The following ADAMTS2 variants were observed in gnomAD, a reference collection of about 807,000 sequenced individuals.
The protein encoded by ADAMTS2 is ADAM metallopeptidase with thrombospondin type 1 motif 2, also known as A disintegrin and metalloproteinase with thrombospondin motifs 2.
A neutral mutation model predicts 123.0 loss-of-function variants in ADAMTS2; 50 were observed. The observed-to-expected ratio is 0.41, with a 90% CI of 0.32 to 0.51. The LOEUF (loss-of-function observed/expected upper bound fraction) is 0.51, where lower values mean the gene tolerates loss of function less well. Ranked by LOEUF, ADAMTS2 falls within the 20% of genes least tolerant of loss-of-function variation. The pLI is 0.35. For synonymous variants in ADAMTS2, 678 were observed against 695.4 expected (o/e 0.98, Z 0.39); for missense variants, 1,494 against 1,705.2 (o/e 0.88, Z 2.18).
chr5:179,207,473 C>CCCG, intron 4 of ADAMTS2, 40 bp downstream of exon 4: 1 of 938,202 alleles, frequency 1.1e-6, no homozygotes, highest in Non-Finnish European at 1.7e-6. Context: ...CCTGGTTGAC[C>CCCG]CTCCCCGCCC....
chr5:179,249,572 C>T (rs995703548), intron 3 of ADAMTS2, among the ~76,000 whole-genome samples: 5 of 152,092 alleles, frequency 3.3e-5, no homozygotes, highest in African/African-American at 1.2e-4. Context: ...GGGGACATTA[C>T]TACCGACCTT....
chr5:179,176,101 T>C (rs1763924567), intron 5 of ADAMTS2, among the ~76,000 whole-genome samples: 1 of 152,206 alleles, frequency 6.6e-6, no homozygotes, highest in Non-Finnish European at 1.5e-5. Context: ...CATCTACTCA[T>C]ATCCTAAGAA....
At chr5:179,333,124 C>T (rs1042773997) in intron 2 of ADAMTS2, among the ~76,000 whole-genome samples, 4 of 152,232 alleles carry the variant, frequency 2.6e-5, no homozygotes, top group Non-Finnish European at 5.9e-5. Flanking sequence ...GCCGACACCG[C>T]TGTGGCAGCT....
In ADAMTS2 at chr5:179,122,763, G is replaced by A; in HGVS notation, c.2969C>T (p.Thr990Ile). Residue 990 changes from threonine to isoleucine, a missense_variant, in exon 20 of 22, where the codon ACC becomes ATC. Coordinates refer to ENST00000251582, the MANE Select transcript of ADAMTS2 (RefSeq NM_014244.5). Reference sequence around the variant, plus strand: ...CCGCTCCTGGGTGCCGTTGCCACAGGTTACTGAGCACTGCAGGGGGAGAGT... The same window carrying A: ...CCGCTCCTGGGTGCCGTTGCCACAGATTACTGAGCACTGCAGGGGGAGAGT... Reference protein sequence around the residue: ...RAGPWSQCSVTCGNGTQERPV... With the variant: ...RAGPWSQCSVICGNGTQERPV... The A allele has an allele frequency of 6.4e-7, 1 of 1,555,616 alleles. No individual in the cohort carries two copies. The highest frequency in any genetic ancestry group is 8.7e-7 in the Non-Finnish European group (1 of 1,150,068).
intron 5 of ADAMTS2, among the ~76,000 whole-genome samples, chr5:179,166,312 G>A (rs775492932): frequency 3.3e-5 from 5 of 152,162 alleles, no homozygotes; most frequent in Admixed American, 1.3e-4. Context: ...CCCCTGGCCC[G>A]GGCTGGAAAG....
intron 13 of ADAMTS2, among the ~76,000 whole-genome samples, chr5:179,133,705 TAATAA>T (rs1157225846): frequency 6.6e-6 from 1 of 152,044 alleles, no homozygotes; most frequent in African/African-American, 2.4e-5. Flanking sequence ...AAATCAACAT[TAATAA>T]AATATTTAAC....
intron 4 of ADAMTS2, among the ~76,000 whole-genome samples, chr5:179,203,315 G>A (rs868328323): frequency 1.2e-4 from 19 of 152,346 alleles, no homozygotes; most frequent in African/African-American, 4.3e-4. Context: ...CCCAGACCCC[G>A]GGCTCTGGAT....
Position 179,262,412 on chromosome 5 carries a change from G to A in ADAMTS2, c.688+10499C>T, listed in dbSNP as rs905514782. Among the ~76,000 whole-genome samples the A allele has an allele frequency of 1.3e-5, 2 of 151,566 alleles. No individual in the cohort carries two copies. The highest frequency in any genetic ancestry group is 6.6e-5 in the Admixed American group (1 of 15,232). Reference sequence around the variant, plus strand: ...CCTCCCTGCTTCCACACCGTCCACCGAAAACCCTCCAAAGGCCTCCACCGC... The same window carrying A: ...CCTCCCTGCTTCCACACCGTCCACCAAAAACCCTCCAAAGGCCTCCACCGC... On this transcript the variant is annotated intron_variant, in intron 3 of 21. Coordinates refer to ENST00000251582, the MANE Select transcript of ADAMTS2 (RefSeq NM_014244.5). This position sits in a 1 kb window ranked among gnomAD's most constrained non-coding sequence, Gnocchi z 5.9.
At chr5:179,274,049 C>T (rs1169033915) in intron 2 of ADAMTS2, among the ~76,000 whole-genome samples, 1 of 151,428 alleles carries the variant, frequency 6.6e-6, no homozygotes, top group African/African-American at 2.4e-5. Flanking sequence ...CTGTGTTCCC[C>T]CTTCGAGGCC....
intron 3 of ADAMTS2, among the ~76,000 whole-genome samples, chr5:179,230,678 A>G (rs1462125954): frequency 6.6e-6 from 1 of 152,160 alleles, no homozygotes; most frequent in African/African-American, 2.4e-5. Context: ...ACATACCACC[A>G]TTCATGTACT....
chr5:179,238,015 G>A (rs1765569452), intron 3 of ADAMTS2, among the ~76,000 whole-genome samples: 1 of 152,174 alleles, frequency 6.6e-6, no homozygotes, highest in Non-Finnish European at 1.5e-5. Context: ...CCCCACGGAG[G>A]CCTTGAACAT....
chr5:179,206,627 C>T (rs968529784), intron 4 of ADAMTS2, among the ~76,000 whole-genome samples: 1 of 152,220 alleles, frequency 6.6e-6, no homozygotes, highest in Non-Finnish European at 1.5e-5. Context: ...CTCCTTCTCA[C>T]CCCCTTCTTT....
At position 179,202,766 on chromosome 5, in the gene ADAMTS2, G is replaced by A. The variant is rs1280001814; in HGVS notation, c.891+4747C>T. Among the ~76,000 whole-genome samples, 1 of 152,208 alleles carries A rather than the reference G, an allele frequency of 6.6e-6. No homozygotes were observed. The highest frequency in any genetic ancestry group is 1.5e-5 in the Non-Finnish European group (1 of 68,032). ...CGCGGGGTGGGTCGGGAGGGCCCGA[G>A]CCTATGTTGCAGCTGTACCTACTGG... On this transcript the variant is annotated intron_variant, in intron 4 of 21. Transcript: ENST00000251582. This position sits in a 1 kb window ranked among gnomAD's most constrained non-coding sequence, Gnocchi z 4.0.
At chr5:179,336,719 G>A (rs946621720) in intron 2 of ADAMTS2, among the ~76,000 whole-genome samples, 1 of 152,286 alleles carries the variant, frequency 6.6e-6, no homozygotes, top group African/African-American at 2.4e-5. Context: ...ACTGAAGTGC[G>A]TGCGGACAGA....
rs1763519254 is a variant in ADAMTS2, at chr5:179,158,145, T to G, written c.1132+578A>C. Among the ~76,000 whole-genome samples the G allele has an allele frequency of 6.6e-6, 1 of 152,128 alleles. No individual in the cohort carries two copies. The highest frequency in any genetic ancestry group is 2.1e-4 in the South Asian group (1 of 4,822). Reference sequence around the variant, plus strand: ...ATGCCCTGCTAATTTTTTTGTATTTTTATTAGAGACGGGGTTTCACCATGT... The same window carrying G: ...ATGCCCTGCTAATTTTTTTGTATTTGTATTAGAGACGGGGTTTCACCATGT... On this transcript the variant is annotated intron_variant, in intron 6 of 21. Transcript: ENST00000251582. This position sits in a 1 kb window ranked among gnomAD's most constrained non-coding sequence, Gnocchi z 5.0.
chr5:179,318,621 T>G (rs868185532), intron 2 of ADAMTS2, among the ~76,000 whole-genome samples: 1 of 152,186 alleles, frequency 6.6e-6, no homozygotes, highest in African/African-American at 2.4e-5. Flanking sequence ...CAAGGGCCAC[T>G]GTCCAGTGGC....
chr5:179,215,522 C>A (rs188254356), intron 3 of ADAMTS2, among the ~76,000 whole-genome samples: 1 of 152,192 alleles, frequency 6.6e-6, no homozygotes, highest in East Asian at 1.9e-4. Context: ...GTTAAAATGG[C>A]GGATTGAACA....
chr5:179,245,796 CA>C lies in ADAMTS2; in HGVS notation c.688+27114del, dbSNP rs796076369. On this transcript the variant is annotated intron_variant, in intron 3 of 21. Transcript: ENST00000251582. ...AAAAAAAAAAAAAAAAAAAAAAAAA[CA>C]AAAAAAACAAAGATGGGGGTGGAAG... Among the ~76,000 whole-genome samples the C allele has an allele frequency of 1.4e-3, 104 of 73,808 alleles. 5 individuals are homozygous for C. The highest frequency in any genetic ancestry group is 1.5e-3 in the Non-Finnish European group (59 of 38,516). 48.4% of individuals were successfully genotyped at this position (73,808 alleles called of 152,430 possible). A position where few individuals can be genotyped will look rare whatever the true frequency, so the allele number is the denominator to read the frequency against.
chr5:179,213,189 T>C (rs949518315), intron 3 of ADAMTS2, among the ~76,000 whole-genome samples: 6 of 152,140 alleles, frequency 3.9e-5, no homozygotes, highest in African/African-American at 1.4e-4. Flanking sequence ...CGCCCCCTCA[T>C]TGCTCTCTTC....
Sources: gnomAD v4.1 joint callset for allele counts (sites outside exome capture counted in the v4.1 genomes callset) on GRCh38, gnomAD v4.1.1 for gene constraint, Gnocchi (gnomAD v3.1) non-coding constraint, MANE v1.5 for transcripts, NCBI Gene and HGNC (gene_info 2026-07-23, HGNC 2026-07-21) for gene names.